Variants in TXLNG observed in about 807,000 individuals in gnomAD.
The protein encoded by TXLNG is taxilin gamma, also known as gamma-taxilin.
In TXLNG, 5 loss-of-function variants were observed where a neutral mutation model predicts 38.8. The ratio of observed to expected loss-of-function variants is 0.13; its 90% CI spans 0.07 to 0.27. TXLNG has a LOEUF of 0.27. Among genes scored for constraint, TXLNG ranks in the 10% least tolerant of loss-of-function variants. The pLI is 1.00. For missense variants in TXLNG, 393 were observed against 398.2 expected (o/e 0.99, Z 0.11); for synonymous variants, 182 against 158.2 (o/e 1.15, Z -1.13).
intron 5 of TXLNG, among the ~76,000 whole-genome samples, chrX:16,831,653 T>C (rs904299112): frequency 2.6e-4 from 29 of 112,651 alleles, no homozygotes; most frequent in Non-Finnish European, 5.1e-4. Context: ...AAAATGATTC[T>C]TTTAGTTTTG....
chrX:16,824,541 A>G (rs1024291694), intron 3 of TXLNG, among the ~76,000 whole-genome samples: 1 of 110,990 alleles, frequency 9.0e-6, no homozygotes, highest in Admixed American at 9.7e-5. Context: ...TTATAGCACA[A>G]AAAGCACTGT....
At chrX:16,824,266 G>C (rs1301821335) in intron 3 of TXLNG, among the ~76,000 whole-genome samples, 1 of 110,546 alleles carries the variant, frequency 9.0e-6, no homozygotes, top group African/African-American at 3.3e-5. Flanking sequence ...AGGATTGCTT[G>C]AGCCCAGGAA....
Position 16,841,586 on chromosome X carries a change from C to A in TXLNG, c.1407C>A (p.Asn469Lys). Residue 469 changes from asparagine to lysine, a missense_variant, in exon 10 of 10, where the codon AAC (asparagine) becomes AAA (lysine). Transcript: ENST00000380122. ...VSIKAAIKAA[N>K]RDLATPVMQP... ...TCAAAGCGGCCATCAAAGCGGCGAA[C>A]AGGGATTTAGCAACACCTGTGATGC... 8.3e-7 allele frequency: 1 copy of A among 1,211,520 alleles called. No homozygotes were observed. Among genetic ancestry groups the A allele is most frequent in the African/African-American group, 1.7e-5 (1 of 57,662 alleles).
At chrX:16,839,713 G>A in intron 8 of TXLNG, 108 bp from the exon 9 acceptor site, 1 of 495,761 alleles carries the variant, frequency 2.0e-6, no homozygotes, top group Non-Finnish European at 3.4e-6. Flanking sequence ...GGTGAGGGAG[G>A]TGCAGGGATG....
intron 2 of TXLNG, 42 bp downstream of exon 2, chrX:16,818,919 A>G: frequency 8.8e-7 from 1 of 1,136,525 alleles, no homozygotes; most frequent in Non-Finnish European, 1.2e-6. Context: ...CATGCTAATC[A>G]TTTTACTTGT....
In TXLNG at chrX:16,798,736, C is replaced by T. The variant is rs772507124; in HGVS notation, c.102+12147C>T. Among the ~76,000 whole-genome samples, 49 of 110,785 alleles carry T rather than the reference C, an allele frequency of 4.4e-4. No homozygotes were observed. In the Admixed American group the frequency reaches 4.7e-3, roughly 11 times the overall value. ...AAGTAGCTGGGACTACAGGAATGTG[C>T]CACCATACAAGGCTAATATTTTTAT... On this transcript the variant is annotated intron_variant, in intron 1 of 9. Coordinates refer to ENST00000380122, the MANE Select transcript of TXLNG (RefSeq NM_018360.3).
At chrX:16,839,975 G>A in intron 9 of TXLNG, 59 bp downstream of exon 9, 1 of 896,399 alleles carries the variant, frequency 1.1e-6, no homozygotes. Flanking sequence ...CTTGAGTTCA[G>A]GTACCTATCG....
chrX:16,817,558 C>T (rs992118746), intron 1 of TXLNG, among the ~76,000 whole-genome samples: 14 of 111,512 alleles, frequency 1.3e-4, no homozygotes, highest in Non-Finnish European at 2.4e-4. Flanking sequence ...TACTAAACAC[C>T]TCCTCACCTC....
chrX:16,811,974 G>T (rs1480423047), intron 1 of TXLNG, among the ~76,000 whole-genome samples: 5 of 108,930 alleles, frequency 4.6e-5, no homozygotes, highest in Non-Finnish European at 5.7e-5. Flanking sequence ...CTGTATAGTG[G>T]TAATAGTAAA....
chrX:16,794,344 A>G (rs1472986046), intron 1 of TXLNG, among the ~76,000 whole-genome samples: 1 of 111,993 alleles, frequency 8.9e-6, no homozygotes, highest in Non-Finnish European at 1.9e-5. Context: ...GGGGATATCG[A>G]AAATTGATTG....
chrX:16,792,718 T>A (rs993339352), intron 1 of TXLNG, among the ~76,000 whole-genome samples: 1 of 109,650 alleles, frequency 9.1e-6, no homozygotes, highest in South Asian at 3.9e-4. Flanking sequence ...GAGGTCAAGG[T>A]TGCAGTGAGC....
intron 1 of TXLNG, among the ~76,000 whole-genome samples, chrX:16,799,720 G>A (rs938872592): frequency 9.1e-6 from 1 of 110,423 alleles, no homozygotes; most frequent in African/African-American, 3.3e-5. Context: ...GCAGTGAACC[G>A]AGATCGCGCC....
intron 1 of TXLNG, 114 bp downstream of exon 1, chrX:16,786,703 C>G: frequency 5.1e-6 from 1 of 196,684 alleles, no homozygotes; most frequent in Non-Finnish European, 7.4e-6. Context: ...GACGAACATC[C>G]GGTCTTCTTC....
chrX:16,800,527 C>T (rs1007374937), intron 1 of TXLNG, among the ~76,000 whole-genome samples: 2 of 104,784 alleles, frequency 1.9e-5, no homozygotes, highest in Admixed American at 2.1e-4. Flanking sequence ...GAATTACAGG[C>T]GTAAGCCACC....
Position 16,841,614 on chromosome X carries a change from C to T in TXLNG, c.1435C>T (p.Pro479Ser), listed in dbSNP as rs771390617. 1 of 1,211,261 alleles carries T rather than the reference C, an allele frequency of 8.3e-7. No individual in the cohort carries two copies. Among genetic ancestry groups the T allele is most frequent in the Non-Finnish European group, 1.1e-6 (1 of 895,456 alleles). ...GGATTTAGCAACACCTGTGATGCAG[C>T]CCTGTACTGCCCTGGATTCTCACAA... is the stretch of plus-strand genomic sequence containing the variant. The part of the protein sequence containing the change: ...NRDLATPVMQ[P>S]CTALDSHKEL... The change falls in exon 10 of 10, where the codon CCC becomes TCC. Residue 479 changes from proline to serine, a missense_variant. Transcript: ENST00000380122.
In TXLNG at chrX:16,843,428, TATCTA is replaced by T. The variant is rs1929942273; in HGVS notation, c.*1665_*1669del. The T allele has an allele frequency of 9.0e-6, 1 of 111,682 alleles. No individual in the cohort carries two copies. The highest frequency in any genetic ancestry group is 3.3e-5 in the African/African-American group (1 of 30,641). The allele number at this position is 111,682 out of a possible 1,213,427, so 9.2% of individuals were successfully genotyped here. A position where few individuals can be genotyped will look rare whatever the true frequency, so the allele number is the denominator to read the frequency against. ...AGGAAAATAAATCCACAAAGTAGAT[TATCTA>T]ATTACCATCAAAATGAGTCAGAAGC... On this transcript the variant is annotated 3_prime_UTR_variant, in exon 10 of 10. Transcript: ENST00000380122.
Position 16,805,295 on chromosome X carries a change from T to C in TXLNG, c.103-13279T>C, listed in dbSNP as rs768808627. Reference sequence around the variant, plus strand: ...ACCGCACCCGCCCTCCACCCCCTTTTTAAAAATAGCTTCTGGGCTTTTTGC... The same window carrying C: ...ACCGCACCCGCCCTCCACCCCCTTTCTAAAAATAGCTTCTGGGCTTTTTGC... On this transcript the variant is annotated intron_variant, in intron 1 of 9. Transcript: ENST00000380122. 1.4e-3 allele frequency among the ~76,000 whole-genome samples: 150 copies of C among 111,111 alleles called. 1 individual carries two copies. Among genetic ancestry groups the C allele is most frequent in the African/African-American group, 4.6e-3 (141 of 30,609 alleles).
chrX:16,806,300 G>T (rs1469770868), intron 1 of TXLNG, among the ~76,000 whole-genome samples: 1 of 112,294 alleles, frequency 8.9e-6, no homozygotes, highest in Non-Finnish European at 1.9e-5. Flanking sequence ...AGAGTATGGG[G>T]TATCTTTGAT....
chrX:16,796,828 C>T (rs1223746362), intron 1 of TXLNG, among the ~76,000 whole-genome samples: 1 of 110,992 alleles, frequency 9.0e-6, no homozygotes, highest in East Asian at 2.8e-4. Context: ...TTCCTGCTCC[C>T]ACCACAACCA....
Sources: allele counts gnomAD v4.1 joint callset (sites outside exome capture counted in the v4.1 genomes callset), GRCh38; gene constraint gnomAD v4.1.1; transcripts MANE v1.5; gene names NCBI Gene and HGNC (gene_info 2026-07-23, HGNC 2026-07-21).